The following STPG2 variants were observed in gnomAD, a reference collection of about 807,000 sequenced individuals.
STPG2 encodes the protein sperm tail PG-rich repeat containing 2.
STPG2 carries 56 observed loss-of-function variants against 54.2 expected under a neutral mutation model. That is an observed-to-expected ratio of 1.03 (90% confidence interval 0.83 to 1.29). The LOEUF is 1.29. Ranked by LOEUF, STPG2 falls within the 50% of genes most tolerant of loss-of-function variation. The probability of loss-of-function intolerance (pLI) is 0.00; values close to 1 mark genes in which losing one functional copy is unlikely to be tolerated. For missense variants in STPG2, 596 were observed against 544.9 expected (o/e 1.09, Z -0.93); for synonymous variants, 200 against 181.8 (o/e 1.10, Z -0.81).
At chr4:98,065,211 T>C (rs1308256726) in intron 5 of STPG2, among the ~76,000 whole-genome samples, 1 of 152,186 alleles carries the variant, frequency 6.6e-6, no homozygotes, top group Non-Finnish European at 1.5e-5. Context: ...ATCTATGCTA[T>C]AATTTCTATT....
At chr4:98,020,477 C>T (rs1736141842) in intron 5 of STPG2, among the ~76,000 whole-genome samples, 1 of 151,422 alleles carries the variant, frequency 6.6e-6, no homozygotes, top group South Asian at 2.1e-4. Flanking sequence ...GTCTAAAATT[C>T]TCTTTTTTGG....
chr4:97,734,125 T>A (rs1368556307), intron 9 of STPG2, among the ~76,000 whole-genome samples: 1 of 152,244 alleles, frequency 6.6e-6, no homozygotes. Flanking sequence ...CCATTGAGTA[T>A]AATGTTACCT....
chr4:97,790,565 T>G (rs1183846580), intron 9 of STPG2, among the ~76,000 whole-genome samples: 2 of 152,164 alleles, frequency 1.3e-5, no homozygotes, highest in African/African-American at 4.8e-5. Flanking sequence ...ATTTTCCTGG[T>G]AGCTGTTGGC....
At chr4:97,889,766 A>G (rs928378272) in intron 8 of STPG2, among the ~76,000 whole-genome samples, 3 of 152,172 alleles carry the variant, frequency 2.0e-5, no homozygotes, top group Non-Finnish European at 4.4e-5. Flanking sequence ...CTATTGTATA[A>G]CATGGTGACT....
intron 10 of STPG2, among the ~76,000 whole-genome samples, chr4:97,693,529 A>G (rs1723448882): frequency 6.6e-6 from 1 of 152,196 alleles, no homozygotes; most frequent in Non-Finnish European, 1.5e-5. Flanking sequence ...TCCCAAATTT[A>G]TAAAACAATT....
rs1178713277 is a variant in STPG2, at chr4:98,021,299, GT to G, written c.613-39982del. On this transcript the variant is annotated intron_variant, in intron 5 of 10. Coordinates refer to ENST00000295268, the MANE Select transcript of STPG2 (RefSeq NM_174952.3). Reference sequence around the variant, plus strand: ...TTACCCAGTAGTCATTCAGGAGCAGGTTGTTCAGTTTCCATGTAGTTGAGCG... The same window carrying G: ...TTACCCAGTAGTCATTCAGGAGCAGGTGTTCAGTTTCCATGTAGTTGAGCG... 4.7e-5 allele frequency among the ~76,000 whole-genome samples: 6 copies of G among 126,554 alleles called. 1 individual carries two copies. The highest frequency in any genetic ancestry group is 1.8e-4 in the African/African-American group (6 of 32,492). The allele number at this position is 126,554 out of a possible 152,430, so 83.0% of individuals were successfully genotyped here.
intron 4 of STPG2, among the ~76,000 whole-genome samples, chr4:97,513,286 G>A (rs749306873): frequency 5.9e-5 from 9 of 152,018 alleles, no homozygotes; most frequent in Non-Finnish European, 7.4e-5. Flanking sequence ...ACTGCCACTC[G>A]TTCAGTTATC....
At chr4:97,916,844 C>A (rs748438285) in intron 8 of STPG2, 1 of 152,872 alleles carries the variant, frequency 6.5e-6, no homozygotes, top group Non-Finnish European at 1.5e-5. Context: ...GCCTGAAGAG[C>A]ATTTGTTGCC....
Position 97,899,204 on chromosome 4 carries a change from A to T in STPG2, c.1044+44693T>A, listed in dbSNP as rs1393057256. ...TAGGCAAACTGAGAGCCAAATCAAA[A>T]ATGTAATCTTATTTACAATTGCCAC... On this transcript the variant is annotated intron_variant, in intron 8 of 10. Transcript: ENST00000295268. Among the ~76,000 whole-genome samples the T allele has an allele frequency of 2.6e-5, 4 of 151,964 alleles. 1 individual carries two copies. The highest frequency in any genetic ancestry group is 6.3e-3 in the Middle Eastern group (2 of 316).
At chr4:97,921,122 C>G (rs959902206) in intron 8 of STPG2, among the ~76,000 whole-genome samples, 18 of 152,142 alleles carry the variant, frequency 1.2e-4, no homozygotes, top group Non-Finnish European at 2.5e-4. Flanking sequence ...CTCCCATCCC[C>G]AAGCCCAGGC....
At chr4:98,065,044 T>A (rs980163454) in intron 5 of STPG2, among the ~76,000 whole-genome samples, 8 of 152,018 alleles carry the variant, frequency 5.3e-5, no homozygotes. Flanking sequence ...GAACTACAAG[T>A]GCATGCCACT....
rs931288104 is a variant in STPG2 at position 97,597,183 on chromosome 4, A to T, written c.1321-38066T>A. The stretch of plus-strand genomic sequence containing the variant: ...GAATAATAGATAAATTCCTGTACAC[A>T]TTCAACCTCCTGAGAATGCGCTAGG... On this transcript the variant is annotated intron_variant, in intron 10 of 10. Transcript: ENST00000295268. Among the ~76,000 whole-genome samples the T allele has an allele frequency of 2.6e-5, 4 of 152,158 alleles. No homozygotes were observed. The South Asian group carries it at 8.3e-4, about 31-fold the overall frequency.
intron 9 of STPG2, among the ~76,000 whole-genome samples, chr4:97,713,244 C>T (rs547351619): frequency 3.2e-4 from 48 of 152,132 alleles, no homozygotes; most frequent in African/African-American, 1.0e-3. Flanking sequence ...GAAATCAAGA[C>T]GCAAAGATGG....
intron 5 of STPG2, among the ~76,000 whole-genome samples, chr4:98,002,029 T>C (rs58552967): frequency 0.049 from 7,411 of 152,158 alleles, 328 homozygotes; most frequent in South Asian, 0.17. Flanking sequence ...TATACATAAC[T>C]CCAGATCTAG....
intron 3 of STPG2, among the ~76,000 whole-genome samples, chr4:98,111,786 C>T (rs188264177): frequency 5.9e-4 from 90 of 152,130 alleles, no homozygotes; most frequent in Middle Eastern, 6.8e-3. Flanking sequence ...GTCGTGGGCA[C>T]CTTTCAATCA....
chr4:97,895,603 C>T (rs772236447), intron 8 of STPG2, among the ~76,000 whole-genome samples: 11 of 151,546 alleles, frequency 7.3e-5, no homozygotes, highest in Admixed American at 1.3e-4. Context: ...TTAATAAATC[C>T]TAGACCTAGA....
intron 8 of STPG2, among the ~76,000 whole-genome samples, chr4:97,938,042 C>T (rs1732815417): frequency 6.6e-6 from 1 of 152,148 alleles, no homozygotes; most frequent in Non-Finnish European, 1.5e-5. Flanking sequence ...CCTAGGGATT[C>T]AGACTGAAGG....
intron 5 of STPG2, among the ~76,000 whole-genome samples, chr4:98,066,090 A>G (rs1020615277): frequency 6.0e-5 from 8 of 134,018 alleles, no homozygotes; most frequent in African/African-American, 2.3e-4. Flanking sequence ...TGTTTCATAT[A>G]TCAAAAATAT....
At position 97,943,922 on chromosome 4, in the gene STPG2, T is replaced by C; in HGVS notation, c.1019A>G (p.Lys340Arg). ...NKYAAFLSRA[K>R]RTMKVPDMVI... Reference sequence around the variant, plus strand: ...CATATCTGGTACTTTCATAGTTCTTTTGGCTCTTGACAAGAAAGCAGCATA... The same window carrying C: ...CATATCTGGTACTTTCATAGTTCTTCTGGCTCTTGACAAGAAAGCAGCATA... The change falls in exon 8 of 11, where the codon AAA becomes AGA. Residue 340 changes from lysine (K) to arginine (R), a missense_variant. Physicochemically the swap from Lys to Arg is conservative, Grantham distance 26. Coordinates refer to ENST00000295268, the MANE Select transcript of STPG2 (RefSeq NM_174952.3). 6.3e-7 allele frequency: 1 copy of C among 1,588,146 alleles called. No individual in the cohort carries two copies. Among genetic ancestry groups the C allele is most frequent in the Non-Finnish European group, 8.5e-7 (1 of 1,172,076 alleles).
Sources: gnomAD v4.1 joint callset for allele counts (sites outside exome capture counted in the v4.1 genomes callset) on GRCh38, gnomAD v4.1.1 for gene constraint, MANE v1.5 for transcripts, NCBI Gene and HGNC (gene_info 2026-07-23, HGNC 2026-07-21) for gene names.